CUL5: variants seen among roughly 807,000 people sequenced by gnomAD.
CUL5 encodes the protein cullin-5.
A neutral mutation model predicts 108.8 loss-of-function variants in CUL5; 26 were observed. That is an observed-to-expected ratio of 0.24 (90% confidence interval 0.18 to 0.33). The LOEUF (loss-of-function observed/expected upper bound fraction) is 0.33, where lower values mean the gene tolerates loss of function less well. CUL5 is among the 10% of genes least tolerant of loss of function. The pLI is 1.00. For missense variants in CUL5, 524 were observed against 909.2 expected, an observed-to-expected ratio of 0.58 and a Z score of 5.45; for synonymous variants, 334 against 298.0, an observed-to-expected ratio of 1.12 and a Z score of -1.25.
chr11:108,019,584 G>A lies in CUL5; in HGVS notation c.24+10212G>A, dbSNP rs116454795. Among the ~76,000 whole-genome samples, 384 of 152,290 alleles carry A rather than the reference G, an allele frequency of 2.5e-3. 3 individuals are homozygous for A. Among genetic ancestry groups the A allele is most frequent in the African/African-American group, 8.6e-3 (357 of 41,560 alleles). ...TCTGGCAATGTTTATTGTAGCCCTTGTAACGTAGTAGTGCAATAACACATC... is the reference window on the plus strand; with the variant it reads ...TCTGGCAATGTTTATTGTAGCCCTTATAACGTAGTAGTGCAATAACACATC... On this transcript the variant is annotated intron_variant, in intron 1 of 18. Transcript: ENST00000393094.
In CUL5 at chr11:108,066,461, A is replaced by G. The variant is rs180928039; in HGVS notation, c.781-3635A>G. On this transcript the variant is annotated intron_variant, in intron 7 of 18. Transcript: ENST00000393094. ...CCAGCAAGAGTCACTCTACTCCAATAAGAAATATTTTTTTATTCATACAAC... is the reference window on the plus strand; with the variant it reads ...CCAGCAAGAGTCACTCTACTCCAATGAGAAATATTTTTTTATTCATACAAC... 1.6e-3 allele frequency among the ~76,000 whole-genome samples: 248 copies of G among 152,292 alleles called. 2 individuals carry two copies. Among genetic ancestry groups the G allele is most frequent in the African/African-American group, 5.7e-3 (238 of 41,560 alleles).
intron 11 of CUL5, among the ~76,000 whole-genome samples, chr11:108,085,514 G>A (rs1332959658): frequency 6.6e-6 from 1 of 152,148 alleles, no homozygotes; most frequent in African/African-American, 2.4e-5. Context: ...GGTGATGTTT[G>A]TACAGCATTG....
intron 11 of CUL5, among the ~76,000 whole-genome samples, chr11:108,080,216 C>T (rs1864043600): frequency 6.6e-6 from 1 of 151,760 alleles, no homozygotes; most frequent in South Asian, 2.1e-4. Flanking sequence ...CCTGGTTCAG[C>T]CTCCTGAGTA....
In CUL5 at chr11:108,008,975, C is replaced by T; in HGVS notation, c.-374C>T. ...GGCCTAAGCCGAGCTAAATTCGTTG[C>T]AGGTGGCCGCGGCGGGTGCAACCAC... is the stretch of plus-strand genomic sequence containing the variant. On this transcript the variant is annotated 5_prime_UTR_variant, in exon 1 of 19. Transcript: ENST00000393094. The T allele has an allele frequency of 4.1e-6, 1 of 243,206 alleles. No homozygotes were observed. Among genetic ancestry groups the T allele is most frequent in the South Asian group, 1.0e-4 (1 of 9,960 alleles). The allele number at this position is 243,206 out of a possible 1,614,324, so 15.1% of individuals were successfully genotyped here. A position where few individuals can be genotyped will look rare whatever the true frequency, so the allele number is the denominator to read the frequency against.
chr11:108,018,141 T>A (rs1862247305), intron 1 of CUL5, among the ~76,000 whole-genome samples: 1 of 152,100 alleles, frequency 6.6e-6, no homozygotes. Context: ...CTTAGGTTGG[T>A]TTGGGAGGCC....
intron 2 of CUL5, among the ~76,000 whole-genome samples, chr11:108,035,336 A>G (rs1211674559): frequency 2.0e-5 from 3 of 152,196 alleles, no homozygotes; most frequent in Non-Finnish European, 4.4e-5. Context: ...CCATCAGAGA[A>G]TAAGCCTTTT....
chr11:108,029,092 T>TA (rs1476659134), intron 1 of CUL5, among the ~76,000 whole-genome samples: 1 of 152,208 alleles, frequency 6.6e-6, no homozygotes, highest in Non-Finnish European at 1.5e-5. Context: ...AGAATACCCT[T>TA]TTTCCAGGTA....
At position 108,104,750 on chromosome 11, in the gene CUL5, G is replaced by A. The variant is rs114838522; in HGVS notation, c.*366G>A. On this transcript the variant is annotated 3_prime_UTR_variant, in exon 19 of 19. Coordinates refer to ENST00000393094, the MANE Select transcript of CUL5 (RefSeq NM_003478.6). ...TTTTCCTCTCTTAAAAAATGTACTT[G>A]CACAAGGAAGGATCTTCAGATATTC... 1,616 of 157,798 alleles carry A rather than the reference G, an allele frequency of 0.01. 27 individuals carry two copies. The highest frequency in any genetic ancestry group is 0.037 in the African/African-American group (1,528 of 41,756). 9.8% of individuals were successfully genotyped at this position (157,798 alleles called of 1,614,324 possible). A position where few individuals can be genotyped will look rare whatever the true frequency, so the allele number is the denominator to read the frequency against.
At chr11:108,055,365 T>C (rs1306052281) in intron 7 of CUL5, among the ~76,000 whole-genome samples, 3 of 152,206 alleles carry the variant, frequency 2.0e-5, no homozygotes, top group Non-Finnish European at 4.4e-5. Flanking sequence ...ACCAAATTAG[T>C]GAATAATGAA....
chr11:108,074,197 T>A lies in CUL5; in HGVS notation c.1113+700T>A, dbSNP rs550241412. On this transcript the variant is annotated intron_variant, in intron 10 of 18. Transcript: ENST00000393094. Reference sequence around the variant, plus strand: ...CTCTTTTTGTCTATTTTAATTTTTTTTTTTTTTTTTTTTTGAGACTGAGTT... The same window carrying A: ...CTCTTTTTGTCTATTTTAATTTTTTATTTTTTTTTTTTTTGAGACTGAGTT... 7.7e-4 allele frequency: 114 copies of A among 147,500 alleles called. 1 individual carries two copies. The highest frequency in any genetic ancestry group is 2.8e-3 in the African/African-American group (112 of 40,014). 9.1% of individuals were successfully genotyped at this position (147,500 alleles called of 1,614,324 possible).
Position 108,009,387 on chromosome 11 carries a change from C to G in CUL5, c.24+15C>G, listed in dbSNP as rs570316917. On this transcript the variant is annotated intron_variant, in intron 1 of 18. Coordinates refer to ENST00000393094, the MANE Select transcript of CUL5 (RefSeq NM_003478.6). ...ATCTGTTAAAGGTAAGACCCTCACT[C>G]CAGCTTGGGTTTTACTGTGTGGCCG... is the stretch of plus-strand genomic sequence containing the variant. 1.2e-6 allele frequency: 2 copies of G among 1,613,506 alleles called. No homozygotes were observed. Among genetic ancestry groups the G allele is most frequent in the Admixed American group, 1.7e-5 (1 of 59,992 alleles).
chr11:108,083,105 A>G (rs773713806), intron 11 of CUL5, among the ~76,000 whole-genome samples: 36 of 152,100 alleles, frequency 2.4e-4, no homozygotes, highest in Non-Finnish European at 3.8e-4. Context: ...TTCTCTGACT[A>G]ATTGCTCTGA....
chr11:108,016,803 AAAAC>A (rs1010791497), intron 1 of CUL5, among the ~76,000 whole-genome samples: 7 of 152,108 alleles, frequency 4.6e-5, no homozygotes, highest in Admixed American at 1.3e-4. Context: ...CAAACAAAAA[AAAAC>A]AAACAAAAAG....
chr11:108,064,756 T>C (rs931544383), intron 7 of CUL5, among the ~76,000 whole-genome samples: 8 of 152,150 alleles, frequency 5.3e-5, no homozygotes, highest in African/African-American at 1.9e-4. Context: ...GCTAGTATTT[T>C]GTTGAGGATT....
At chr11:108,071,444 G>T (rs1438430115) in intron 8 of CUL5, among the ~76,000 whole-genome samples, 1 of 151,948 alleles carries the variant, frequency 6.6e-6, no homozygotes, top group Non-Finnish European at 1.5e-5. Context: ...TGTATTTTTT[G>T]TAGAGGCAGA....
intron 3 of CUL5, among the ~76,000 whole-genome samples, chr11:108,048,648 CTTTTT>C (rs200991204): frequency 1.1e-4 from 13 of 116,862 alleles, no homozygotes; most frequent in South Asian, 5.3e-4. Flanking sequence ...ACTCCACCAC[CTTTTT>C]TTTTTTTTTT....
intron 13 of CUL5, among the ~76,000 whole-genome samples, chr11:108,092,080 T>C (rs994003287): frequency 6.6e-6 from 1 of 152,094 alleles, no homozygotes; most frequent in Non-Finnish European, 1.5e-5. Flanking sequence ...AAAGTTGTAA[T>C]GAGCTGAGAT....
intron 18 of CUL5, among the ~76,000 whole-genome samples, chr11:108,103,092 G>A (rs1345346929): frequency 3.3e-5 from 5 of 152,102 alleles, no homozygotes; most frequent in South Asian, 2.1e-4. Flanking sequence ...CACCACACCC[G>A]GCATATACAT....
chr11:108,071,228 G>A (rs1407080403), intron 8 of CUL5, among the ~76,000 whole-genome samples: 1 of 152,116 alleles, frequency 6.6e-6, no homozygotes, highest in African/African-American at 2.4e-5. Context: ...AATCTTGTGT[G>A]TAAATAAATA....
Sources: allele counts gnomAD v4.1 joint callset (sites outside exome capture counted in the v4.1 genomes callset), GRCh38; gene constraint gnomAD v4.1.1; transcripts MANE v1.5; gene names NCBI Gene and HGNC (gene_info 2026-07-23, HGNC 2026-07-21).